Variants in SLC9B2 observed in about 807,000 individuals in gnomAD.
The protein encoded by SLC9B2 is solute carrier family 9 member B2.
In SLC9B2, 39 loss-of-function variants were observed where a neutral mutation model predicts 52.2. The observed-to-expected ratio is 0.75, with a 90% confidence interval of 0.58 to 0.98. The LOEUF is 0.98. Ranked by LOEUF, SLC9B2 falls within the 50% of genes least tolerant of loss-of-function variation. SLC9B2 has a pLI of 0.00. For missense variants in SLC9B2, 626 were observed against 637.5 expected, an observed-to-expected ratio of 0.98 and a Z score of 0.19; for synonymous variants, 214 against 227.0, an observed-to-expected ratio of 0.94 and a Z score of 0.51.
rs1401424745 is a variant in SLC9B2, at chr4:103,076,575, G to T, written c.-434C>A. ...GGTGCGCGTGGCTTCCCCCGGAAAG[G>T]TGGCGCCAGGCCGACCATGGGCCCA... On this transcript the variant is annotated 5_prime_UTR_variant, in exon 1 of 12. Transcript: ENST00000394785. The T allele has an allele frequency of 6.6e-6, 1 of 152,294 alleles. No individual in the cohort carries two copies. Among genetic ancestry groups the T allele is most frequent in the African/African-American group, 2.4e-5 (1 of 41,478 alleles). 9.4% of individuals were successfully genotyped at this position (152,294 alleles called of 1,614,324 possible).
chr4:103,074,133 G>A (rs904147939), intron 1 of SLC9B2, among the ~76,000 whole-genome samples: 1 of 152,174 alleles, frequency 6.6e-6, no homozygotes, highest in South Asian at 2.1e-4. Context: ...CAGGTAAAGA[G>A]GCAAGGGAAG....
chr4:103,036,554 T>C (rs1323782665), intron 9 of SLC9B2, among the ~76,000 whole-genome samples: 1 of 147,756 alleles, frequency 6.8e-6, no homozygotes, highest in Non-Finnish European at 1.5e-5. Flanking sequence ...GGGCAAAACA[T>C]ATGCACAACT....
chr4:103,058,242 TCTTC>T (rs1426520141), intron 3 of SLC9B2, among the ~76,000 whole-genome samples: 2 of 152,214 alleles, frequency 1.3e-5, no homozygotes, highest in Admixed American at 6.5e-5. Flanking sequence ...ATTTTGACTT[TCTTC>T]ACCATTCACT....
At chr4:103,050,523 T>C (rs554599503) in intron 4 of SLC9B2, 141 bp from the exon 5 acceptor site, 5 of 671,342 alleles carry the variant, frequency 7.4e-6, no homozygotes, top group Non-Finnish European at 1.1e-5. Flanking sequence ...AACTTTTAAG[T>C]AAAAATTAGT....
chr4:103,068,804 T>C (rs1746370834), intron 1 of SLC9B2, among the ~76,000 whole-genome samples: 1 of 152,160 alleles, frequency 6.6e-6, no homozygotes, highest in Non-Finnish European at 1.5e-5. Context: ...ATTCAACACA[T>C]ATCAAAGTGC....
At chr4:103,072,342 C>T (rs1423580741) in intron 1 of SLC9B2, among the ~76,000 whole-genome samples, 1 of 152,174 alleles carries the variant, frequency 6.6e-6, no homozygotes, top group Non-Finnish European at 1.5e-5. Context: ...CAGGCGTGAG[C>T]CACCGCACCC....
intron 11 of SLC9B2, among the ~76,000 whole-genome samples, chr4:103,028,124 ATCTATAAT>A (rs1742388390): frequency 6.6e-6 from 1 of 152,158 alleles, no homozygotes; most frequent in African/African-American, 2.4e-5. Context: ...TCAAGCACCT[ATCTATAAT>A]AGCTTTATTT....
At chr4:103,060,716 C>A (rs1183703593) in intron 3 of SLC9B2, among the ~76,000 whole-genome samples, 1 of 151,964 alleles carries the variant, frequency 6.6e-6, no homozygotes, top group Non-Finnish European at 1.5e-5. Flanking sequence ...TTGTTGAAGC[C>A]TTAGGTTGAA....
At chr4:103,070,116 T>C (rs904635110) in intron 1 of SLC9B2, among the ~76,000 whole-genome samples, 2 of 152,244 alleles carry the variant, frequency 1.3e-5, no homozygotes, top group Non-Finnish European at 2.9e-5. Flanking sequence ...TGTCTTTTAA[T>C]GAGCCCAGTA....
intron 4 of SLC9B2, among the ~76,000 whole-genome samples, chr4:103,051,943 T>C (rs1051890739): frequency 6.6e-6 from 1 of 152,224 alleles, no homozygotes; most frequent in Non-Finnish European, 1.5e-5. Context: ...TCCATAATTT[T>C]TGGACCACTA....
intron 3 of SLC9B2, among the ~76,000 whole-genome samples, chr4:103,063,064 C>G (rs546022869): frequency 1.3e-5 from 2 of 152,092 alleles, no homozygotes; most frequent in Admixed American, 1.3e-4. Flanking sequence ...GCTTTATGAA[C>G]GATTATACAT....
At chr4:103,046,767 G>A (rs967295603) in intron 7 of SLC9B2, among the ~76,000 whole-genome samples, 17 of 119,794 alleles carry the variant, frequency 1.4e-4, no homozygotes, top group Non-Finnish European at 2.6e-4. Flanking sequence ...AAGCCTGAAC[G>A]TTCCTGGATC....
Position 103,031,700 on chromosome 4 carries a change from C to A in SLC9B2, c.1255G>T (p.Gly419Cys). ...CAAAAGCACATTTTGAAATTCTTACCTACAGTTTCTGGTCTGAGAGATGCA... is the reference window on the plus strand; with the variant it reads ...CAAAAGCACATTTTGAAATTCTTACATACAGTTTCTGGTCTGAGAGATGCA... ...SIASLRPETV[G>C]LCVATVGIAV... Residue 419 changes from glycine (G) to cysteine (C), a missense_variant and splice_region_variant, in exon 10 of 12, where the codon GGC becomes TGC. Transcript: ENST00000394785. 1.2e-6 allele frequency: 2 copies of A among 1,608,252 alleles called. No individual in the cohort carries two copies. Among genetic ancestry groups the A allele is most frequent in the South Asian group, 2.2e-5 (2 of 90,186 alleles).
At chr4:103,021,534 T>C (rs1741791525), downstream of SLC9B2, among the ~76,000 whole-genome samples, 1 of 152,142 alleles carries the variant, frequency 6.6e-6, no homozygotes, top group African/African-American at 2.4e-5. Context: ...AAAAATTAAG[T>C]TTTAAAAATA....
At chr4:103,054,647 A>G (rs1386024134) in intron 4 of SLC9B2, among the ~76,000 whole-genome samples, 1 of 152,250 alleles carries the variant, frequency 6.6e-6, no homozygotes, top group Admixed American at 6.5e-5. Context: ...ATTAATTTAT[A>G]AAGAGAATTA....
chr4:103,060,421 G>A (rs1368660776), intron 3 of SLC9B2, among the ~76,000 whole-genome samples: 3 of 149,900 alleles, frequency 2.0e-5, no homozygotes, highest in Non-Finnish European at 4.4e-5. Context: ...TACTTGTTTT[G>A]TACTCATGTT....
chr4:103,054,245 G>A (rs1004400968), intron 4 of SLC9B2, among the ~76,000 whole-genome samples: 5 of 152,118 alleles, frequency 3.3e-5, no homozygotes, highest in Admixed American at 2.0e-4. Context: ...GTGCAACTGC[G>A]CTCCACCCTG....
At chr4:103,067,288 G>A (rs774308339) in intron 2 of SLC9B2, among the ~76,000 whole-genome samples, 173 bp downstream of exon 2, 9 of 152,108 alleles carry the variant, frequency 5.9e-5, no homozygotes, top group African/African-American at 9.7e-5. Flanking sequence ...GACACAAAGC[G>A]TTTCATAGGC....
At position 103,036,651 on chromosome 4, in the gene SLC9B2, C is replaced by CT. The variant is rs200051574; in HGVS notation, c.1147-4844dup. On this transcript the variant is annotated intron_variant, in intron 9 of 11. Coordinates refer to ENST00000394785, the MANE Select transcript of SLC9B2 (RefSeq NM_178833.7). ...TGAAACACAAATTAAATTGACATGCCTTTTTTTTTTTTCAAGGGGGAACAC... is the reference window on the plus strand; with the variant it reads ...TGAAACACAAATTAAATTGACATGCCTTTTTTTTTTTTTCAAGGGGGAACAC... 7.4e-3 allele frequency among the ~76,000 whole-genome samples: 1,006 copies of CT among 136,452 alleles called. 6 individuals are homozygous for CT. Among genetic ancestry groups the CT allele is most frequent in the Middle Eastern group, 0.016 (4 of 256 alleles). 89.5% of individuals were successfully genotyped at this position (136,452 alleles called of 152,430 possible). A position where few individuals can be genotyped will look rare whatever the true frequency, so the allele number is the denominator to read the frequency against.
Sources: allele counts gnomAD v4.1 joint callset (sites outside exome capture counted in the v4.1 genomes callset), GRCh38; gene constraint gnomAD v4.1.1; transcripts MANE v1.5; gene names NCBI Gene and HGNC (gene_info 2026-07-23, HGNC 2026-07-21).